The following CAND2 variants were observed in gnomAD, a reference collection of about 807,000 sequenced individuals.
CAND2 encodes cullin associated and neddylation dissociated 2 (putative).
A neutral mutation model predicts 98.9 loss-of-function variants in CAND2; 62 were observed. The observed-to-expected ratio is 0.63, with a 90% CI of 0.51 to 0.77. The LOEUF is 0.77. Ranked by LOEUF, CAND2 falls within the 30% of genes least tolerant of loss-of-function variation. The pLI, the probability that CAND2 is intolerant of heterozygous loss-of-function variation, is 0.00. For missense variants in CAND2, 1,501 were observed against 1,655.2 expected, an observed-to-expected ratio of 0.91 and a Z score of 1.62; for synonymous variants, 770 against 731.9, an observed-to-expected ratio of 1.05 and a Z score of -0.84.
rs763973281 is a variant in CAND2 at position 12,817,121 on chromosome 3, TGGA to T, written c.2192_2194del (p.Glu731del). On this transcript the variant is annotated inframe_deletion, in exon 10 of 15. Coordinates refer to ENST00000456430, the MANE Select transcript of CAND2 (RefSeq NM_001162499.2). ...ACCCAGGCCCAGCCAGCCTCTTTGG[TGGA>T]GGTCAGTGGCCCTGTGCTCTCAGAG... The T allele has an allele frequency of 2.4e-4, 388 of 1,612,878 alleles. No homozygotes were observed. The highest frequency in any genetic ancestry group is 3.2e-4 in the Non-Finnish European group (373 of 1,179,982).
intron 11 of CAND2, among the ~76,000 whole-genome samples, chr3:12,820,520 T>C (rs2061949043): frequency 6.6e-6 from 1 of 152,180 alleles, no homozygotes; most frequent in South Asian, 2.1e-4. Flanking sequence ...TTCATCAACA[T>C]ATAGACTCTT....
At chr3:12,830,431 A>G (rs1203540466) in intron 13 of CAND2, among the ~76,000 whole-genome samples, 9 of 152,166 alleles carry the variant, frequency 5.9e-5, no homozygotes, top group Non-Finnish European at 7.4e-5. Flanking sequence ...TTGTGGGGCT[A>G]CTGACCCCAG....
chr3:12,831,119 A>G (rs11918975), intron 13 of CAND2, among the ~76,000 whole-genome samples: 27,464 of 151,908 alleles, frequency 0.18, 3,291 homozygotes, highest in African/African-American at 0.35. Flanking sequence ...CAGTGGCCCC[A>G]AGCTACATGT....
chr3:12,817,348 C>G lies in CAND2; in HGVS notation c.2416C>G (p.Arg806Gly). ...CAAGCAGGTGTTCCACTCATTGGCC[C>G]GGTGTGTGGCAGCCCTCTCAGCTGC... The part of the protein sequence containing the change: ...LHKQVFHSLA[R>G]CVAALSAACP... Residue 806 changes from arginine (R) to glycine (G), a missense_variant, in exon 10 of 15, where the codon CGG (arginine) becomes GGG (glycine). Coordinates refer to ENST00000456430, the MANE Select transcript of CAND2 (RefSeq NM_001162499.2). 1 of 1,613,898 alleles carries G rather than the reference C, an allele frequency of 6.2e-7. No homozygotes were observed. The highest frequency in any genetic ancestry group is 8.5e-7 in the Non-Finnish European group (1 of 1,180,034).
In CAND2 at chr3:12,827,484, C is replaced by T. The variant is rs758385216; in HGVS notation, c.3255C>T (p.Asp1085=). 1.6e-5 allele frequency: 26 copies of T among 1,613,922 alleles called. No individual in the cohort carries two copies. The highest frequency in any genetic ancestry group is 1.6e-4 in the Middle Eastern group (1 of 6,082). Reference sequence around the variant, plus strand: ...AACATACAGTGGACGATGGGCTGGACGTGCGGAAGGCGGCCTTTGAATGCA... The same window carrying T: ...AACATACAGTGGACGATGGGCTGGATGTGCGGAAGGCGGCCTTTGAATGCA... ...PFKHTVDDGL[D]VRKAAFECMY... The change falls in exon 13 of 15, where the codon GAC becomes GAT. Residue 1085 remains aspartate, a synonymous_variant. Coordinates refer to ENST00000456430, the MANE Select transcript of CAND2 (RefSeq NM_001162499.2).
At position 12,833,832 on chromosome 3, in the gene CAND2, C is replaced by G. The variant is rs767956611; in HGVS notation, c.3561C>G (p.Ala1187=). ...GCTCTGCAATGAGGGCAGTGGCTGC[C>G]CTGCTGACCATCCCCGAGGTGGGGA... ...LKRSAMRAVA[A]LLTIPEVGKS... is the part of the protein sequence containing the mutation. The change falls in exon 15 of 15, where the codon GCC becomes GCG. Residue 1187 remains alanine, a synonymous_variant. Transcript: ENST00000456430. 1 of 1,614,178 alleles carries G rather than the reference C, an allele frequency of 6.2e-7. No individual in the cohort carries two copies. The highest frequency in any genetic ancestry group is 8.5e-7 in the Non-Finnish European group (1 of 1,180,028).
At chr3:12,810,484 G>A (rs78688420) in intron 5 of CAND2, among the ~76,000 whole-genome samples, 160 bp downstream of exon 5, 5,562 of 151,700 alleles carry the variant, frequency 0.037, 338 homozygotes, top group African/African-American at 0.13. Context: ...CTGGGCTGAT[G>A]TGGTGGGTGG....
At chr3:12,798,704 G>T (rs955525108) in intron 1 of CAND2, among the ~76,000 whole-genome samples, 2 of 152,168 alleles carry the variant, frequency 1.3e-5, no homozygotes, top group African/African-American at 4.8e-5. Context: ...GCTACAGCCC[G>T]AGAAGCCCTT....
intron 2 of CAND2, among the ~76,000 whole-genome samples, chr3:12,806,151 G>A (rs543748639): frequency 6.6e-6 from 1 of 152,270 alleles, no homozygotes; most frequent in East Asian, 1.9e-4. Context: ...GGGCAACATA[G>A]CGAGACACTG....
chr3:12,828,007 C>T (rs1453620055), intron 13 of CAND2, among the ~76,000 whole-genome samples: 5 of 151,650 alleles, frequency 3.3e-5, no homozygotes, highest in East Asian at 1.9e-4. Context: ...AATTCCCAGA[C>T]GAAATTTTTG....
chr3:12,826,216 C>G (rs1236709594), intron 12 of CAND2, among the ~76,000 whole-genome samples: 1 of 152,126 alleles, frequency 6.6e-6, no homozygotes, highest in African/African-American at 2.4e-5. Flanking sequence ...GTGATGTAAT[C>G]CCATCATACA....
intron 2 of CAND2, 82 bp downstream of exon 2, chr3:12,803,713 A>G: frequency 7.4e-7 from 1 of 1,351,428 alleles, no homozygotes; most frequent in Non-Finnish European, 1.0e-6. Context: ...CCTTTGGGGT[A>G]CAGCCTCGCA....
chr3:12,810,633 G>T (rs540544753), intron 5 of CAND2, among the ~76,000 whole-genome samples: 2 of 152,250 alleles, frequency 1.3e-5, no homozygotes, highest in East Asian at 3.8e-4. Flanking sequence ...AGAGAAGGGG[G>T]TTGGTTCAAT....
rs535076942 is a variant in CAND2 at position 12,813,055 on chromosome 3, C to T, written c.823C>T (p.Arg275Trp). The T allele has an allele frequency of 4.4e-6, 7 of 1,583,496 alleles. No individual in the cohort carries two copies. Among genetic ancestry groups the T allele is most frequent in the South Asian group, 1.2e-5 (1 of 86,442 alleles). Residue 275 changes from arginine to tryptophan, a missense_variant, in exon 6 of 15, where the codon CGG (arginine) becomes TGG (tryptophan). Arg to Trp is a moderately radical substitution (Grantham distance 101). This residue lies in a region of CAND2 where 1,427 missense variants were observed against 1,545.3 expected (regional missense o/e 0.92). Transcript: ENST00000456430. The stretch of plus-strand genomic sequence containing the variant: ...CTGCAACCTGGATGATGATGAGCTC[C>T]GGGAGTCCTGCCTCCAGGCTTTTGA... The part of the protein sequence containing the change: ...DFCNLDDDEL[R>W]ESCLQAFEAF...
At chr3:12,826,869 C>T (rs1217301892) in intron 12 of CAND2, among the ~76,000 whole-genome samples, 1 of 143,818 alleles carries the variant, frequency 7.0e-6, no homozygotes, top group African/African-American at 2.6e-5. Context: ...CTCGCTCTGT[C>T]ACCCAGGCTG....
chr3:12,797,512 C>T (rs938177619), intron 1 of CAND2, among the ~76,000 whole-genome samples: 1 of 151,920 alleles, frequency 6.6e-6, no homozygotes, highest in African/African-American at 2.4e-5. Flanking sequence ...TCCTTCTTTC[C>T]CCCTCTCACA....
chr3:12,808,440 GC>G, intron 4 of CAND2, 107 bp downstream of exon 4: 2 of 1,274,320 alleles, frequency 1.6e-6, no homozygotes, highest in Non-Finnish European at 2.2e-6. Context: ...TGTGCTTGGG[GC>G]TCCTTAATCA....
In CAND2 at chr3:12,815,521, G is replaced by GATGTTCTCCCAGCT; in HGVS notation, c.1299+88_1299+89insATGTTCTCCCAGCT. The GATGTTCTCCCAGCT allele has an allele frequency of 7.3e-7, 1 of 1,364,160 alleles. No individual in the cohort carries two copies. Among genetic ancestry groups the GATGTTCTCCCAGCT allele is most frequent in the Non-Finnish European group, 1.0e-6 (1 of 997,446 alleles). The allele number at this position is 1,364,160 out of a possible 1,614,324, so 84.5% of individuals were successfully genotyped here. Reference sequence around the variant, plus strand: ...GTCCCTGGACTTGGAAACTCAGCTGGGAGAACATCCAGCCATGGAAGGGAA... The same window carrying GATGTTCTCCCAGCT: ...GTCCCTGGACTTGGAAACTCAGCTGGATGTTCTCCCAGCTGAGAACATCCAGCCATGGAAGGGAA... On this transcript the variant is annotated intron_variant, in intron 8 of 14. Coordinates refer to ENST00000456430, the MANE Select transcript of CAND2 (RefSeq NM_001162499.2). This position sits in a 1 kb window ranked among gnomAD's most constrained non-coding sequence, Gnocchi z 5.7.
At chr3:12,804,687 C>A (rs974468268) in intron 2 of CAND2, among the ~76,000 whole-genome samples, 2 of 152,182 alleles carry the variant, frequency 1.3e-5, no homozygotes, top group African/African-American at 2.4e-5. Flanking sequence ...CAGAGGTTGT[C>A]AAGCTTGACT....
Sources: allele counts gnomAD v4.1 joint callset (sites outside exome capture counted in the v4.1 genomes callset), GRCh38; gene constraint gnomAD v4.1.1; regional missense constraint gnomAD v4.1.1; non-coding constraint Gnocchi (gnomAD v3.1); transcripts MANE v1.5; gene names NCBI Gene and HGNC (gene_info 2026-07-23, HGNC 2026-07-21).